Variants in ZNF385D observed in about 807,000 individuals in gnomAD.
The protein encoded by ZNF385D is zinc finger protein 659.
A neutral mutation model predicts 35.8 loss-of-function variants in ZNF385D; 15 were observed. The observed-to-expected ratio is 0.42, with a 90% CI of 0.28 to 0.64. The LOEUF (loss-of-function observed/expected upper bound fraction) is 0.64, where lower values mean the gene tolerates loss of function less well. Among genes scored for constraint, ZNF385D ranks in the 30% least tolerant of loss-of-function variants. ZNF385D has a pLI of 0.23. For synonymous variants in ZNF385D, 212 were observed against 186.8 expected, an observed-to-expected ratio of 1.13 and a Z score of -1.10; for missense variants, 474 against 494.6, an observed-to-expected ratio of 0.96 and a Z score of 0.39.
intron 4 of ZNF385D, among the ~76,000 whole-genome samples, chr3:21,449,971 AGGGCTG>A (rs1279715327): frequency 6.6e-6 from 1 of 152,230 alleles, no homozygotes; most frequent in Non-Finnish European, 1.5e-5. Flanking sequence ...GTCAATTCAC[AGGGCTG>A]GGGAAAGAAG....
chr3:22,068,208 C>T (rs1700055588), intron 3 of ZNF385D, among the ~76,000 whole-genome samples: 1 of 152,156 alleles, frequency 6.6e-6, no homozygotes. Context: ...CTCTTAGATG[C>T]TCTTTCAGAC....
chr3:21,924,700 T>C (rs184007785), intron 3 of ZNF385D, among the ~76,000 whole-genome samples: 224 of 152,260 alleles, frequency 1.5e-3, no homozygotes, highest in Middle Eastern at 6.8e-3. Flanking sequence ...CCTACCTCCA[T>C]AGTGTTAGTG....
chr3:21,826,075 A>G (rs1351113923), intron 3 of ZNF385D, among the ~76,000 whole-genome samples: 3 of 152,102 alleles, frequency 2.0e-5, no homozygotes, highest in Non-Finnish European at 4.4e-5. Flanking sequence ...TCTTCCACAA[A>G]ACTGGTCCCT....
chr3:22,227,962 C>G (rs552463384), intron 2 of ZNF385D, among the ~76,000 whole-genome samples: 2 of 152,260 alleles, frequency 1.3e-5, no homozygotes, highest in South Asian at 4.1e-4. Flanking sequence ...AACACCCCAG[C>G]TCACCCTTGA....
intron 3 of ZNF385D, among the ~76,000 whole-genome samples, chr3:22,125,155 T>C (rs1576361657): frequency 6.6e-6 from 1 of 152,258 alleles, no homozygotes; most frequent in South Asian, 2.1e-4. Context: ...TTACCCAGCA[T>C]CATTATTGAA....
intron 3 of ZNF385D, among the ~76,000 whole-genome samples, chr3:22,070,816 T>C (rs771177396): frequency 6.6e-6 from 1 of 152,200 alleles, no homozygotes; most frequent in Non-Finnish European, 1.5e-5. Flanking sequence ...TTTCCAATGA[T>C]ATAATTTATA....
At chr3:22,350,505 T>C (rs1695867127) in intron 2 of ZNF385D, among the ~76,000 whole-genome samples, 1 of 152,068 alleles carries the variant, frequency 6.6e-6, no homozygotes, top group Non-Finnish European at 1.5e-5. Flanking sequence ...GATAAATCTG[T>C]GTGTATAAGC....
intron 1 of ZNF385D, among the ~76,000 whole-genome samples, chr3:21,724,477 C>CCAAAAA (rs2068670605): frequency 3.8e-5 from 2 of 52,016 alleles, no homozygotes; most frequent in African/African-American, 3.2e-4. Flanking sequence ...AATGGAAAGC[C>CCAAAAA]AAAAAAAAAA....
chr3:22,308,274 ATAT>A (rs757202300), intron 2 of ZNF385D, among the ~76,000 whole-genome samples: 6 of 152,120 alleles, frequency 3.9e-5, no homozygotes, highest in Non-Finnish European at 8.8e-5. Context: ...GCGGAATTTT[ATAT>A]TATTAAAAAA....
chr3:21,517,657 TGA>T (rs1171237682), intron 3 of ZNF385D, among the ~76,000 whole-genome samples: 1 of 152,180 alleles, frequency 6.6e-6, no homozygotes, highest in African/African-American at 2.4e-5. Flanking sequence ...GATTGGAACC[TGA>T]GAGAGTAGTT....
intron 2 of ZNF385D, among the ~76,000 whole-genome samples, chr3:21,586,092 A>G (rs2063802731): frequency 6.6e-6 from 1 of 152,018 alleles, no homozygotes; most frequent in Non-Finnish European, 1.5e-5. Context: ...TGTAGGCCCA[A>G]CTACTTGAAA....
At chr3:22,281,947 T>C (rs1241012987) in intron 2 of ZNF385D, among the ~76,000 whole-genome samples, 5 of 152,000 alleles carry the variant, frequency 3.3e-5, no homozygotes, top group African/African-American at 1.2e-4. Context: ...CTGTTCAGAG[T>C]TTCTATTTCC....
intron 3 of ZNF385D, among the ~76,000 whole-genome samples, chr3:21,854,995 T>C (rs2125818111): frequency 6.6e-6 from 1 of 152,062 alleles, no homozygotes; most frequent in East Asian, 1.9e-4. Flanking sequence ...TGTGACTGGC[T>C]GGCACTCACA....
Position 22,044,991 on chromosome 3 carries a change from C to A in ZNF385D, c.325+123826G>T, listed in dbSNP as rs1698896999. Among the ~76,000 whole-genome samples, 3 of 151,982 alleles carry A rather than the reference C, an allele frequency of 2.0e-5. 1 individual carries two copies. In the South Asian group the frequency reaches 6.2e-4, roughly 32 times the overall value. ...TTGTGCCACTGCCCTCCAGCCTGGGCAACAAGAGCAAAACTCAATCTCGAA... is the reference window on the plus strand; with the variant it reads ...TTGTGCCACTGCCCTCCAGCCTGGGAAACAAGAGCAAAACTCAATCTCGAA... On this transcript the variant is annotated intron_variant, in intron 3 of 5. Transcript: ENST00000494108.
At chr3:21,898,952 G>A (rs926101858) in intron 3 of ZNF385D, among the ~76,000 whole-genome samples, 2 of 152,086 alleles carry the variant, frequency 1.3e-5, no homozygotes, top group African/African-American at 2.4e-5. Flanking sequence ...TGGCCAGAAC[G>A]GGGTCACATG....
intron 2 of ZNF385D, among the ~76,000 whole-genome samples, chr3:22,310,586 A>G (rs1284092684): frequency 2.6e-5 from 4 of 151,960 alleles, no homozygotes; most frequent in Non-Finnish European, 5.9e-5. Flanking sequence ...ATTAACTCAA[A>G]TAAAATGACA....
intron 2 of ZNF385D, among the ~76,000 whole-genome samples, chr3:22,256,236 C>CATATAT (rs141839193): frequency 1.7e-4 from 25 of 145,386 alleles, no homozygotes; most frequent in South Asian, 6.5e-4. Flanking sequence ...TATACACATA[C>CATATAT]ATATATATAT....
At chr3:21,764,240 T>C (rs1435553984) in intron 3 of ZNF385D, among the ~76,000 whole-genome samples, 2 of 152,112 alleles carry the variant, frequency 1.3e-5, no homozygotes, top group Non-Finnish European at 2.9e-5. Context: ...AGACAAGAGC[T>C]AGAAGATGCT....
chr3:21,886,319 C>A (rs980427622), intron 3 of ZNF385D, among the ~76,000 whole-genome samples: 1 of 151,662 alleles, frequency 6.6e-6, no homozygotes, highest in Non-Finnish European at 1.5e-5. Context: ...ATTCGCTGCA[C>A]AGTGATTGTA....
Sources: gnomAD v4.1 joint callset for allele counts (sites outside exome capture counted in the v4.1 genomes callset) on GRCh38, gnomAD v4.1.1 for gene constraint, MANE v1.5 for transcripts, NCBI Gene and HGNC (gene_info 2026-07-23, HGNC 2026-07-21) for gene names.